Variants in ZNF365 observed in about 807,000 individuals in gnomAD.
ZNF365 encodes the protein protein ZNF365.
ZNF365 carries 22 observed loss-of-function variants against 35.0 expected under a neutral mutation model. That is an observed-to-expected ratio of 0.63 (90% CI 0.45 to 0.90). ZNF365 has a LOEUF of 0.90. Ranked by LOEUF, ZNF365 falls within the 40% of genes least tolerant of loss-of-function variation. The pLI is 0.00. For synonymous variants in ZNF365, 188 were observed against 196.2 expected, an observed-to-expected ratio of 0.96 and a Z score of 0.35; for missense variants, 448 against 500.3, an observed-to-expected ratio of 0.90 and a Z score of 1.00.
intron 3 of ZNF365, among the ~76,000 whole-genome samples, chr10:62,440,893 C>T (rs993137337): frequency 5.9e-5 from 9 of 152,136 alleles, no homozygotes; most frequent in African/African-American, 9.7e-5. Context: ...ATACATCATC[C>T]GATCTCTAAA....
At chr10:62,431,730 A>G (rs563612893) in intron 3 of ZNF365, among the ~76,000 whole-genome samples, 1 of 152,344 alleles carries the variant, frequency 6.6e-6, no homozygotes, top group African/African-American at 2.4e-5. Context: ...TGGATATAAG[A>G]ATAGGATAAG....
At chr10:62,386,002 G>C (rs546924204) in intron 2 of ZNF365, among the ~76,000 whole-genome samples, 7 of 152,108 alleles carry the variant, frequency 4.6e-5, no homozygotes, top group African/African-American at 1.7e-4. Context: ...CTCTACAACA[G>C]GCTTGTAGAA....
chr10:62,407,575 G>A (rs962038046), intron 3 of ZNF365, among the ~76,000 whole-genome samples: 1 of 151,356 alleles, frequency 6.6e-6, no homozygotes, highest in Non-Finnish European at 1.5e-5. Context: ...GGATTTGAGG[G>A]TCTCCTCTCC....
At chr10:62,387,643 A>T (rs1839546779) in intron 2 of ZNF365, among the ~76,000 whole-genome samples, 1 of 151,582 alleles carries the variant, frequency 6.6e-6, no homozygotes, top group African/African-American at 2.4e-5. Context: ...CTCTTATGTC[A>T]GCATTAGAAT....
intron 4 of ZNF365, among the ~76,000 whole-genome samples, chr10:62,461,251 G>A (rs1175788010): frequency 5.3e-5 from 8 of 152,214 alleles, no homozygotes; most frequent in African/African-American, 1.9e-4. Flanking sequence ...TTCGCAGGGC[G>A]TTCTATCACA....
intron 1 of ZNF365, 113 bp downstream of exon 1, chr10:62,374,571 G>C (rs2132403270): frequency 6.6e-6 from 1 of 152,438 alleles, no homozygotes; most frequent in South Asian, 2.1e-4. Context: ...GGAGTTGGGA[G>C]AGCCGGCTTC....
At chr10:62,447,983 AG>A (rs914547093) in intron 3 of ZNF365, among the ~76,000 whole-genome samples, 2 of 152,228 alleles carry the variant, frequency 1.3e-5, no homozygotes, top group Non-Finnish European at 2.9e-5. Context: ...CAAAGTTGAA[AG>A]AACTGTATCG....
At chr10:62,442,115 C>T (rs1840511179) in intron 3 of ZNF365, among the ~76,000 whole-genome samples, 2 of 152,214 alleles carry the variant, frequency 1.3e-5, no homozygotes, top group Non-Finnish European at 2.9e-5. Flanking sequence ...CAGTGACACT[C>T]TTGCCTTGGA....
chr10:62,409,842 A>T (rs530631914), intron 3 of ZNF365, among the ~76,000 whole-genome samples: 1 of 152,262 alleles, frequency 6.6e-6, no homozygotes, highest in Admixed American at 6.5e-5. Context: ...CAGTCATGCA[A>T]CAGTGGGTAC....
At chr10:62,418,609 A>T (rs200692247) in intron 3 of ZNF365, among the ~76,000 whole-genome samples, 1 of 23,858 alleles carries the variant, frequency 4.2e-5, no homozygotes, top group Non-Finnish European at 1.3e-4. Flanking sequence ...TTTTCGTAAT[A>T]AAAAAAATCA....
intron 3 of ZNF365, among the ~76,000 whole-genome samples, chr10:62,459,402 CA>C (rs1284052928): frequency 6.6e-6 from 1 of 152,136 alleles, no homozygotes; most frequent in Non-Finnish European, 1.5e-5. Context: ...TGCAGATCAT[CA>C]GGGGGAGACG....
intron 3 of ZNF365, among the ~76,000 whole-genome samples, chr10:62,450,963 T>C (rs1014117891): frequency 6.6e-6 from 1 of 152,196 alleles, no homozygotes; most frequent in Non-Finnish European, 1.5e-5. Context: ...CAACCGTTTT[T>C]GAACAAGAGC....
intron 3 of ZNF365, among the ~76,000 whole-genome samples, chr10:62,429,922 C>T (rs978697378): frequency 7.2e-5 from 11 of 152,018 alleles, no homozygotes; most frequent in Non-Finnish European, 8.8e-5. Context: ...ATAAAATTAT[C>T]CCAAATACCA....
chr10:62,379,246 A>T (rs1394968387), intron 2 of ZNF365, among the ~76,000 whole-genome samples: 1 of 152,014 alleles, frequency 6.6e-6, no homozygotes, highest in Non-Finnish European at 1.5e-5. Context: ...CTGGTCTCGA[A>T]CTTCTGACCT....
intron 4 of ZNF365, among the ~76,000 whole-genome samples, chr10:62,478,314 C>T (rs1053043987): frequency 5.3e-5 from 8 of 152,156 alleles, no homozygotes; most frequent in African/African-American, 1.9e-4. Flanking sequence ...ATTCTGAAAT[C>T]CCCCTAGGAG....
Position 62,402,022 on chromosome 10 carries a change from G to T in ZNF365, c.*2233G>T. The T allele has an allele frequency of 1.0e-6, 1 of 985,594 alleles. No individual in the cohort carries two copies. Among genetic ancestry groups the T allele is most frequent in the Non-Finnish European group, 1.2e-6 (1 of 829,906 alleles). 61.1% of individuals were successfully genotyped at this position (985,594 alleles called of 1,614,324 possible). ...AATTTAGTGTCAAAACATGGGAGAT[G>T]GCTTACTCAGAAGCATACTCCACTT... On this transcript the variant is annotated 3_prime_UTR_variant, in exon 5 of 5. Transcript: ENST00000395254.
chr10:62,430,325 T>C (rs1214836501), intron 3 of ZNF365, among the ~76,000 whole-genome samples: 1 of 142,762 alleles, frequency 7.0e-6, no homozygotes, highest in African/African-American at 2.6e-5. Flanking sequence ...GGACTACAGG[T>C]GCCCGCCACC....
In ZNF365 at chr10:62,388,292, A is replaced by C. The variant is rs1479178769; in HGVS notation, c.744-104A>C. 2.4e-6 allele frequency: 3 copies of C among 1,238,022 alleles called. No homozygotes were observed. In the African/African-American group the frequency reaches 4.4e-5, roughly 18 times the overall value. The allele number at this position is 1,238,022 out of a possible 1,614,324, so 76.7% of individuals were successfully genotyped here. A position where few individuals can be genotyped will look rare whatever the true frequency, so the allele number is the denominator to read the frequency against. ...TCGTCATTGCCATGGAGTACTGCCT[A>C]GGGTGTTAACTGACAAATAGTAGGC... On this transcript the variant is annotated intron_variant, in intron 2 of 4. Coordinates refer to ENST00000395254, the MANE Select transcript of ZNF365 (RefSeq NM_014951.3).
At chr10:62,395,684 T>G (rs1839714039) in intron 3 of ZNF365, among the ~76,000 whole-genome samples, 1 of 151,914 alleles carries the variant, frequency 6.6e-6, no homozygotes, top group South Asian at 2.1e-4. Context: ...TGCTCCAAAA[T>G]CCAAAACATT....
Sources: gnomAD v4.1 joint callset for allele counts (sites outside exome capture counted in the v4.1 genomes callset) on GRCh38, gnomAD v4.1.1 for gene constraint, MANE v1.5 for transcripts, NCBI Gene and HGNC (gene_info 2026-07-23, HGNC 2026-07-21) for gene names.